Variants in ZNF503 observed in about 807,000 individuals in gnomAD.
The protein encoded by ZNF503 is NocA-like zinc finger 2.
ZNF503 carries 15 observed loss-of-function variants against 34.4 expected under a neutral mutation model. The observed-to-expected ratio is 0.44, with a 90% CI of 0.29 to 0.67. The LOEUF is 0.67. Among genes scored for constraint, ZNF503 ranks in the 30% least tolerant of loss-of-function variants. The pLI is 0.13. For synonymous variants in ZNF503, 580 were observed against 456.8 expected (o/e 1.27, Z -3.44); for missense variants, 1,007 against 926.8 (o/e 1.09, Z -1.12).
the ZNF503 span, among the ~76,000 whole-genome samples, chr10:75,314,685 A>G: frequency 6.6e-6 from 1 of 152,234 alleles, no homozygotes; most frequent in Non-Finnish European, 1.5e-5. Context: ...ACGTACATCA[A>G]TGTAGTTATC....
chr10:75,327,781 T>C, the ZNF503 span, among the ~76,000 whole-genome samples: 1 of 152,206 alleles, frequency 6.6e-6, no homozygotes, highest in East Asian at 1.9e-4. Flanking sequence ...TTTTTGATAA[T>C]AGCCATTCTA....
the ZNF503 span, among the ~76,000 whole-genome samples, chr10:75,337,840 C>G: frequency 1.3e-5 from 2 of 152,174 alleles, no homozygotes; most frequent in African/African-American, 4.8e-5. Context: ...CCCTTTTATT[C>G]TTTGGATTGG....
chr10:75,380,930 A>G, the ZNF503 span, among the ~76,000 whole-genome samples: 3 of 152,304 alleles, frequency 2.0e-5, no homozygotes, highest in East Asian at 5.8e-4. Flanking sequence ...CAGACCTCGA[A>G]TTGCATCATG....
At chr10:75,311,302 G>T in the ZNF503 span, among the ~76,000 whole-genome samples, 8 of 152,174 alleles carry the variant, frequency 5.3e-5, no homozygotes, top group East Asian at 1.5e-3. Flanking sequence ...TGCCCACCCA[G>T]TTTGGGGGTG....
the ZNF503 span, among the ~76,000 whole-genome samples, chr10:75,347,875 C>A: frequency 6.6e-6 from 1 of 152,118 alleles, no homozygotes; most frequent in African/African-American, 2.4e-5. Flanking sequence ...TTCACCACTA[C>A]CTTGCCTGTT....
the ZNF503 span, among the ~76,000 whole-genome samples, chr10:75,369,671 T>A: frequency 2.6e-5 from 4 of 152,218 alleles, no homozygotes; most frequent in East Asian, 5.8e-4. Context: ...TAAAAAATAG[T>A]TTTTGAAAAG....
the ZNF503 span, among the ~76,000 whole-genome samples, chr10:75,289,668 C>G: frequency 6.6e-6 from 1 of 152,090 alleles, no homozygotes. Flanking sequence ...TCACTGCAAC[C>G]TCCGCCTCCC....
chr10:75,347,211 C>T, the ZNF503 span, among the ~76,000 whole-genome samples: 3 of 152,182 alleles, frequency 2.0e-5, no homozygotes, highest in South Asian at 2.1e-4. Context: ...GTGAGGACTC[C>T]GGCAATTAAT....
At chr10:75,324,458 T>C in the ZNF503 span, among the ~76,000 whole-genome samples, 1 of 151,998 alleles carries the variant, frequency 6.6e-6, no homozygotes, top group African/African-American at 2.4e-5. Context: ...CCTCCCAAGG[T>C]AGCTGGACTA....
the ZNF503 span, among the ~76,000 whole-genome samples, chr10:75,326,983 C>T: frequency 1.3e-5 from 2 of 152,096 alleles, no homozygotes; most frequent in African/African-American, 4.8e-5. Context: ...CACACTCAGC[C>T]CAGTGTGGTA....
the ZNF503 span, among the ~76,000 whole-genome samples, chr10:75,345,126 G>T: frequency 3.9e-5 from 6 of 152,204 alleles, no homozygotes; most frequent in African/African-American, 1.4e-4. Flanking sequence ...AGTAGGAAAT[G>T]CATTGCTCTG....
At chr10:75,345,321 T>C in the ZNF503 span, among the ~76,000 whole-genome samples, 1 of 151,902 alleles carries the variant, frequency 6.6e-6, no homozygotes, top group Non-Finnish European at 1.5e-5. Flanking sequence ...ACTGAGTCAG[T>C]CTCTCTAAGA....
At chr10:75,358,406 C>A in the ZNF503 span, 2 of 152,024 alleles carry the variant, frequency 1.3e-5, no homozygotes, top group Non-Finnish European at 2.9e-5. Flanking sequence ...AGGGTTGGAA[C>A]GAACTTTGAG....
At chr10:75,333,101 G>A in the ZNF503 span, among the ~76,000 whole-genome samples, 1 of 143,394 alleles carries the variant, frequency 7.0e-6, no homozygotes, top group African/African-American at 2.6e-5. Flanking sequence ...GGCCGGGCGG[G>A]GGGCTGACCC....
chr10:75,379,914 C>T, the ZNF503 span, among the ~76,000 whole-genome samples: 2 of 152,174 alleles, frequency 1.3e-5, no homozygotes, highest in East Asian at 1.9e-4. Context: ...GTCCTCATCA[C>T]GTGCTTCTTC....
Position 75,399,559 on chromosome 10 carries a change from G to C in ZNF503, c.1131C>G (p.His377Gln), listed in dbSNP as rs1332476584. The C allele has an allele frequency of 6.3e-7, 1 of 1,595,424 alleles. No homozygotes were observed. The highest frequency in any genetic ancestry group is 1.3e-5 in the African/African-American group (1 of 74,852). ...YAGYPPQFLP[H>Q]GVALDPTKPG... ...GCTTGGTGGGGTCAAGTGCCACGCCGTGTGGCAGGAACTGGGGCGGGTAGC... is the reference window on the plus strand; with the variant it reads ...GCTTGGTGGGGTCAAGTGCCACGCCCTGTGGCAGGAACTGGGGCGGGTAGC... The change falls in exon 2 of 2, where the codon CAC (histidine) becomes CAG (glutamine). Residue 377 changes from histidine to glutamine, a missense_variant. Coordinates refer to ENST00000372524, the MANE Select transcript of ZNF503 (RefSeq NM_032772.6).
At chr10:75,290,250 T>G in the ZNF503 span, among the ~76,000 whole-genome samples, 80 of 152,328 alleles carry the variant, frequency 5.3e-4, no homozygotes, top group Admixed American at 1.5e-3. Context: ...GATGGACAAG[T>G]GGGTTACTGC....
the ZNF503 span, among the ~76,000 whole-genome samples, chr10:75,301,667 G>A: frequency 6.6e-6 from 1 of 151,830 alleles, no homozygotes; most frequent in Non-Finnish European, 1.5e-5. Flanking sequence ...TATTTTCTCA[G>A]TGGTTGCTCT....
the ZNF503 span, among the ~76,000 whole-genome samples, chr10:75,300,709 T>TC: frequency 2.1e-5 from 3 of 139,840 alleles, no homozygotes; most frequent in Non-Finnish European, 4.7e-5. Context: ...TCTTTCTTTT[T>TC]TTTTTTTTTT....
Sources: gnomAD v4.1 joint callset for allele counts (sites outside exome capture counted in the v4.1 genomes callset) on GRCh38, gnomAD v4.1.1 for gene constraint, MANE v1.5 for transcripts, NCBI Gene and HGNC (gene_info 2026-07-23, HGNC 2026-07-21) for gene names.